The following MEIKIN variants were observed in gnomAD, a reference collection of about 807,000 sequenced individuals.
MEIKIN encodes the protein meiosis-specific kinetochore protein.
At chr5:131,874,189 A>G (rs982090471) in intron 9 of MEIKIN, among the ~76,000 whole-genome samples, 1 of 152,204 alleles carries the variant, frequency 6.6e-6, no homozygotes, top group African/African-American at 2.4e-5. Flanking sequence ...ACCCTTCGAA[A>G]AATTAATGAA....
rs1186785168 is a variant in MEIKIN, at chr5:131,933,609, G to A, written c.382C>T (p.Leu128Phe). 5.0e-6 allele frequency: 2 copies of A among 398,678 alleles called. No homozygotes were observed. Among genetic ancestry groups the A allele is most frequent in the Admixed American group, 4.4e-5 (1 of 22,696 alleles). 24.7% of individuals were successfully genotyped at this position (398,678 alleles called of 1,614,324 possible). Residue 128 changes from leucine to phenylalanine, a missense_variant, in exon 5 of 13, where the codon CTT becomes TTT. By Grantham distance (22) the Leu-to-Phe change is conservative. Transcript: ENST00000442687. ...GAGTCTGTGACTGAATAGCTCAGAA[G>A]AGAACTGGCCATACCATGGTGCAAA... is the stretch of plus-strand genomic sequence containing the variant. Reference protein sequence around the residue: ...LSLHHGMASSLLSYSVTDSYA... With the variant: ...LSLHHGMASSFLSYSVTDSYA...
intron 9 of MEIKIN, among the ~76,000 whole-genome samples, chr5:131,864,431 C>T (rs549568451): frequency 4.6e-5 from 7 of 152,294 alleles, no homozygotes; most frequent in Admixed American, 1.3e-4. Flanking sequence ...TGAATTTTCT[C>T]GGCATTTGAT....
At chr5:131,899,460 A>G (rs923957214) in intron 8 of MEIKIN, among the ~76,000 whole-genome samples, 1 of 151,986 alleles carries the variant, frequency 6.6e-6, no homozygotes, top group Non-Finnish European at 1.5e-5. Flanking sequence ...TGTCAGGAGT[A>G]AGTCTCTACT....
chr5:131,902,505 C>CATCTTGT (rs1195245556), intron 8 of MEIKIN, among the ~76,000 whole-genome samples: 2 of 108,574 alleles, frequency 1.8e-5, no homozygotes, highest in African/African-American at 1.1e-4. Flanking sequence ...GTACATCTTG[C>CATCTTGT]TTCCTGTACA....
intron 4 of MEIKIN, among the ~76,000 whole-genome samples, chr5:131,941,559 T>TA (rs1751871049): frequency 6.6e-6 from 1 of 152,174 alleles, no homozygotes; most frequent in Non-Finnish European, 1.5e-5. Context: ...CTGCTGTTGA[T>TA]ATGTTCATCA....
chr5:131,819,492 T>C (rs1296784289), intron 11 of MEIKIN, among the ~76,000 whole-genome samples: 1 of 148,632 alleles, frequency 6.7e-6, no homozygotes, highest in Non-Finnish European at 1.5e-5. Context: ...CGGAAAGCAA[T>C]GCCATGTCTT....
chr5:131,894,665 T>C (rs557513563), intron 8 of MEIKIN, among the ~76,000 whole-genome samples: 73 of 152,330 alleles, frequency 4.8e-4, no homozygotes, highest in Middle Eastern at 3.4e-3. Context: ...GTAGCAATTG[T>C]GAATGGGAGT....
intron 9 of MEIKIN, among the ~76,000 whole-genome samples, chr5:131,864,149 TC>T (rs1401687121): frequency 5.9e-5 from 9 of 152,248 alleles, no homozygotes; most frequent in African/African-American, 2.2e-4. Context: ...GAGAATTTAA[TC>T]CATTTACATT....
rs76583589 is a variant in MEIKIN, at chr5:131,916,511, A to G, written c.638+375T>C. On this transcript the variant is annotated intron_variant, in intron 7 of 12. Transcript: ENST00000442687. ...GCTGTCGGTACCTCAGTATTACCCC[A>G]ACCCACTCTTGTGTTTTCATTTGTG... is the stretch of plus-strand genomic sequence containing the variant. Among the ~76,000 whole-genome samples, 712 of 152,292 alleles carry G rather than the reference A, an allele frequency of 4.7e-3. 8 individuals are homozygous for G. Among genetic ancestry groups the G allele is most frequent in the African/African-American group, 0.016 (676 of 41,570 alleles).
At chr5:131,855,858 G>A (rs1359170517) in intron 9 of MEIKIN, among the ~76,000 whole-genome samples, 1 of 152,156 alleles carries the variant, frequency 6.6e-6, no homozygotes, top group Non-Finnish European at 1.5e-5. Flanking sequence ...AGGTAGAGTA[G>A]AAAGTAAGAG....
intron 11 of MEIKIN, among the ~76,000 whole-genome samples, chr5:131,828,449 C>A (rs1749652492): frequency 6.6e-6 from 1 of 152,070 alleles, no homozygotes. Flanking sequence ...CAGGCGTGAG[C>A]CACTGTGCCT....
intron 5 of MEIKIN, among the ~76,000 whole-genome samples, chr5:131,926,813 T>C (rs1427496850): frequency 6.6e-6 from 1 of 152,168 alleles, no homozygotes; most frequent in African/African-American, 2.4e-5. Flanking sequence ...TGTCCTATAA[T>C]TGGGCATGGT....
chr5:131,818,995 G>A, intron 11 of MEIKIN, 132 bp from the exon 12 acceptor site: 1 of 378,662 alleles, frequency 2.6e-6, no homozygotes, highest in Non-Finnish European at 4.7e-6. Context: ...TTTATTAAAT[G>A]CTTACTCCAC....
intron 11 of MEIKIN, among the ~76,000 whole-genome samples, chr5:131,851,046 G>GA (rs1340159791): frequency 1.3e-5 from 2 of 152,116 alleles, no homozygotes; most frequent in African/African-American, 4.8e-5. Context: ...AGCAAGAAAA[G>GA]AAAAAATAGA....
chr5:131,936,712 A>G (rs1423236043), intron 4 of MEIKIN, among the ~76,000 whole-genome samples: 1 of 152,000 alleles, frequency 6.6e-6, no homozygotes, highest in Non-Finnish European at 1.5e-5. Flanking sequence ...CTCCCACCTC[A>G]GCCTCCTGAG....
chr5:131,824,015 G>A (rs1003766663), intron 11 of MEIKIN, among the ~76,000 whole-genome samples: 1 of 152,144 alleles, frequency 6.6e-6, no homozygotes, highest in South Asian at 2.1e-4. Context: ...CTAAACAAAT[G>A]GAATCTCTAT....
rs769013130 is a variant in MEIKIN, at chr5:131,921,909, G to C, written c.511C>G (p.Gln171Glu). The change falls in exon 6 of 13, where the codon CAG (glutamine) becomes GAG (glutamate). Residue 171 changes from glutamine (Q) to glutamate (E), a missense_variant. Coordinates refer to ENST00000442687, the MANE Select transcript of MEIKIN (RefSeq NM_001303622.2). ...WECPNLEEHM[Q>E]WKNSTLLDTS... The stretch of plus-strand genomic sequence containing the variant: ...TCCAGAAGAGTAGAATTCTTCCACT[G>C]CATGTGTTCTTCCAAGTTGGGACAC... 2.9e-4 allele frequency: 116 copies of C among 398,834 alleles called. 1 individual carries two copies. Among genetic ancestry groups the C allele is most frequent in the Admixed American group, 9.2e-4 (21 of 22,714 alleles). The allele number at this position is 398,834 out of a possible 1,614,324, so 24.7% of individuals were successfully genotyped here. A position where few individuals can be genotyped will look rare whatever the true frequency, so the allele number is the denominator to read the frequency against.
chr5:131,859,868 C>A (rs1043945150), intron 9 of MEIKIN, among the ~76,000 whole-genome samples: 9 of 152,018 alleles, frequency 5.9e-5, no homozygotes, highest in Non-Finnish European at 1.3e-4. Context: ...GCTGTAAATA[C>A]GTGGATTCAT....
intron 11 of MEIKIN, among the ~76,000 whole-genome samples, chr5:131,850,624 T>C (rs867331485): frequency 3.3e-5 from 5 of 151,992 alleles, no homozygotes; most frequent in Non-Finnish European, 4.4e-5. Context: ...GATATCTACA[T>C]GCAAAAGAAT....
Sources: allele counts gnomAD v4.1 joint callset (sites outside exome capture counted in the v4.1 genomes callset), GRCh38; gene constraint gnomAD v4.1.1; transcripts MANE v1.5; gene names NCBI Gene and HGNC (gene_info 2026-07-23, HGNC 2026-07-21).